Variants in MTHFD2L observed in about 807,000 individuals in gnomAD.
MTHFD2L encodes the protein methylenetetrahydrofolate dehydrogenase (NADP+ dependent) 2 like.
A neutral mutation model predicts 34.9 loss-of-function variants in MTHFD2L; 29 were observed. The ratio of observed to expected loss-of-function variants is 0.83; its 90% CI spans 0.62 to 1.13. The LOEUF (loss-of-function observed/expected upper bound fraction) is 1.13, where lower values mean the gene tolerates loss of function less well. Among genes scored for constraint, MTHFD2L ranks in the 50% most tolerant of loss-of-function variants. MTHFD2L has a pLI of 0.00. For missense variants in MTHFD2L, 481 were observed against 446.5 expected, an observed-to-expected ratio of 1.08 and a Z score of -0.70; for synonymous variants, 167 against 155.7, an observed-to-expected ratio of 1.07 and a Z score of -0.54.
intron 7 of MTHFD2L, among the ~76,000 whole-genome samples, chr4:74,295,469 T>A (rs1749515421): frequency 6.6e-6 from 1 of 152,128 alleles, no homozygotes; most frequent in Non-Finnish European, 1.5e-5. Context: ...CATTCCCACC[T>A]TAGTGAATCT....
intron 6 of MTHFD2L, among the ~76,000 whole-genome samples, chr4:74,239,004 T>G (rs1741286124): frequency 6.6e-6 from 1 of 152,216 alleles, no homozygotes; most frequent in Non-Finnish European, 1.5e-5. Flanking sequence ...CAAAGGCTTA[T>G]AAATCATGCT....
intron 1 of MTHFD2L, among the ~76,000 whole-genome samples, chr4:74,170,735 CCAA>C (rs1045635020): frequency 1.7e-4 from 26 of 151,730 alleles, no homozygotes; most frequent in African/African-American, 5.6e-4. Context: ...ACCCAAATGT[CCAA>C]CAACGAAAGA....
At chr4:74,230,219 T>G (rs1739803102) in intron 6 of MTHFD2L, among the ~76,000 whole-genome samples, 1 of 152,172 alleles carries the variant, frequency 6.6e-6, no homozygotes, top group Non-Finnish European at 1.5e-5. Context: ...AGTGAAATAT[T>G]TATTCATGAA....
chr4:74,143,548 C>A, intron 1 of MTHFD2L: 1 of 426,564 alleles, frequency 2.3e-6, no homozygotes. Flanking sequence ...CCATGTCAGC[C>A]AAAGCAGCTC....
At chr4:74,146,398 T>G (rs919676118) in intron 1 of MTHFD2L, among the ~76,000 whole-genome samples, 5 of 152,184 alleles carry the variant, frequency 3.3e-5, no homozygotes, top group Non-Finnish European at 1.5e-5. Flanking sequence ...TCATATCCCT[T>G]TTAAGAATTT....
intron 6 of MTHFD2L, among the ~76,000 whole-genome samples, chr4:74,281,180 G>C (rs942102782): frequency 4.6e-5 from 7 of 152,100 alleles, no homozygotes; most frequent in African/African-American, 1.7e-4. Flanking sequence ...GTGATGTCAG[G>C]TGAGCCATCT....
intron 6 of MTHFD2L, among the ~76,000 whole-genome samples, chr4:74,248,582 A>G (rs1349398287): frequency 2.0e-5 from 3 of 147,080 alleles, no homozygotes; most frequent in Non-Finnish European, 3.0e-5. Flanking sequence ...TAGGGTGTCA[A>G]TTTTGGATCT....
chr4:74,227,855 CAG>C (rs1175235545), intron 6 of MTHFD2L, among the ~76,000 whole-genome samples: 6 of 152,102 alleles, frequency 3.9e-5, no homozygotes, highest in Non-Finnish European at 1.5e-5. Flanking sequence ...AAAGTAGAAA[CAG>C]AGAGGAGAGG....
chr4:74,296,921 G>A (rs1749700904), intron 7 of MTHFD2L, among the ~76,000 whole-genome samples: 1 of 151,960 alleles, frequency 6.6e-6, no homozygotes, highest in African/African-American at 2.4e-5. Flanking sequence ...TGAGAAGGAA[G>A]AATAAATATT....
chr4:74,201,249 C>G lies in MTHFD2L; in HGVS notation c.605-14C>G. The G allele has an allele frequency of 6.2e-7, 1 of 1,601,092 alleles. No individual in the cohort carries two copies. The highest frequency in any genetic ancestry group is 1.1e-5 in the South Asian group (1 of 90,194). On this transcript the variant is annotated splice_polypyrimidine_tract_variant and intron_variant, in intron 4 of 7. Coordinates refer to ENST00000325278, the MANE Select transcript of MTHFD2L (RefSeq NM_001144978.3). ...TTGTCAATTCTGCATTTAAACCGAACTCTGTATTTTAAGGAATTCAAACAT... is the reference window on the plus strand; with the variant it reads ...TTGTCAATTCTGCATTTAAACCGAAGTCTGTATTTTAAGGAATTCAAACAT...
At chr4:74,139,675 G>T (rs1723161653) in intron 1 of MTHFD2L, among the ~76,000 whole-genome samples, 1 of 152,128 alleles carries the variant, frequency 6.6e-6, no homozygotes, top group Admixed American at 6.5e-5. Context: ...TCACTTCTTT[G>T]TGGACCTGGG....
intron 2 of MTHFD2L, among the ~76,000 whole-genome samples, chr4:74,116,858 A>G (rs1721663022): frequency 6.6e-6 from 1 of 152,214 alleles, no homozygotes; most frequent in South Asian, 2.1e-4. Flanking sequence ...GCATATAGAT[A>G]CCGTTCTATC....
chr4:74,146,757 C>T (rs1723619586), intron 1 of MTHFD2L, among the ~76,000 whole-genome samples: 1 of 152,108 alleles, frequency 6.6e-6, no homozygotes, highest in African/African-American at 2.4e-5. Flanking sequence ...GCAACTTTTG[C>T]TTGAACAGCT....
At chr4:74,133,088 T>A (rs1722671584) in intron 1 of MTHFD2L, among the ~76,000 whole-genome samples, 1 of 152,216 alleles carries the variant, frequency 6.6e-6, no homozygotes, top group South Asian at 2.1e-4. Context: ...CTAGTAGTGG[T>A]GAATTCTCTT....
Position 74,291,405 on chromosome 4 carries a change from C to A in MTHFD2L, c.931+9855C>A, listed in dbSNP as rs1167276049. Among the ~76,000 whole-genome samples, 10 of 152,150 alleles carry A rather than the reference C, an allele frequency of 6.6e-5. 1 individual carries two copies. In the East Asian group the frequency reaches 9.7e-4, roughly 15 times the overall value. Reference sequence around the variant, plus strand: ...TATGAACATTCTCTGTATTTAAAAACCAGTGGTATCATTCTTACATTACAG... The same window carrying A: ...TATGAACATTCTCTGTATTTAAAAAACAGTGGTATCATTCTTACATTACAG... On this transcript the variant is annotated intron_variant, in intron 7 of 7. Coordinates refer to ENST00000325278, the MANE Select transcript of MTHFD2L (RefSeq NM_001144978.3).
upstream of MTHFD2L, among the ~76,000 whole-genome samples, chr4:74,154,375 T>G (rs1312616296): frequency 1.3e-5 from 2 of 152,162 alleles, no homozygotes; most frequent in African/African-American, 4.8e-5. Flanking sequence ...ATTTAAGAAG[T>G]GAAGAATTCT....
intron 3 of MTHFD2L, chr4:74,184,051 GC>G (rs1553904135): frequency 5.3e-5 from 8 of 152,000 alleles, no homozygotes; most frequent in Non-Finnish European, 1.2e-4. Context: ...GAAACCGAAA[GC>G]AACCATGAAA....
intron 6 of MTHFD2L, among the ~76,000 whole-genome samples, chr4:74,227,173 G>A (rs1033421943): frequency 1.3e-5 from 2 of 152,128 alleles, no homozygotes; most frequent in African/African-American, 4.8e-5. Context: ...AAGTCATGGT[G>A]TTTCTTCTCT....
intron 2 of MTHFD2L, among the ~76,000 whole-genome samples, chr4:74,117,001 G>A (rs1370879417): frequency 6.6e-6 from 1 of 152,244 alleles, no homozygotes; most frequent in Non-Finnish European, 1.5e-5. Context: ...CAAAGTTCAT[G>A]TGGGAAATGT....
Sources: gnomAD v4.1 joint callset for allele counts (sites outside exome capture counted in the v4.1 genomes callset) on GRCh38, gnomAD v4.1.1 for gene constraint, MANE v1.5 for transcripts, NCBI Gene and HGNC (gene_info 2026-07-23, HGNC 2026-07-21) for gene names.